Variants in KIAA0825 observed in about 807,000 individuals in gnomAD.
The protein encoded by KIAA0825 is uncharacterized protein KIAA0825.
KIAA0825 carries 119 observed loss-of-function variants against 147.6 expected under a neutral mutation model. The ratio of observed to expected loss-of-function variants is 0.81; its 90% CI spans 0.69 to 0.94. The LOEUF (loss-of-function observed/expected upper bound fraction) is 0.94, where lower values mean the gene tolerates loss of function less well. Ranked by LOEUF, KIAA0825 falls within the 40% of genes least tolerant of loss-of-function variation. The pLI is 0.00. For missense variants in KIAA0825, 1,381 were observed against 1,472.7 expected, an observed-to-expected ratio of 0.94 and a Z score of 1.02; for synonymous variants, 470 against 518.1, an observed-to-expected ratio of 0.91 and a Z score of 1.26.
chr5:94,605,869 C>T (rs1404252318), intron 1 of KIAA0825, among the ~76,000 whole-genome samples: 1 of 152,196 alleles, frequency 6.6e-6, no homozygotes, highest in South Asian at 2.1e-4. Context: ...AGGATGCCCT[C>T]TCTCGCCACT....
intron 5 of KIAA0825, among the ~76,000 whole-genome samples, chr5:94,505,158 A>C (rs1448690139): frequency 6.6e-6 from 1 of 151,888 alleles, no homozygotes. Context: ...TCAGGAGTTC[A>C]GACCAGCCTA....
At chr5:94,173,502 C>T (rs577209361) in intron 20 of KIAA0825, among the ~76,000 whole-genome samples, 1 of 152,240 alleles carries the variant, frequency 6.6e-6, no homozygotes, top group South Asian at 2.1e-4. Flanking sequence ...GCCTGGGCTT[C>T]CTCATAACAT....
At chr5:94,465,637 A>G (rs1001345706) in intron 10 of KIAA0825, among the ~76,000 whole-genome samples, 2 of 152,240 alleles carry the variant, frequency 1.3e-5, no homozygotes, top group African/African-American at 2.4e-5. Context: ...TTAAATAACA[A>G]TACTAGAAAC....
At chr5:94,157,938 A>T (rs1015957577) in intron 20 of KIAA0825, among the ~76,000 whole-genome samples, 1 of 152,200 alleles carries the variant, frequency 6.6e-6, no homozygotes, top group Non-Finnish European at 1.5e-5. Context: ...AGGAAGGAGC[A>T]GCCAACACCA....
intron 20 of KIAA0825, among the ~76,000 whole-genome samples, chr5:94,247,567 C>T (rs1411889121): frequency 6.6e-6 from 1 of 152,038 alleles, no homozygotes; most frequent in Admixed American, 6.6e-5. Context: ...GTTGTGAGTC[C>T]TTGCCCTGAG....
chr5:94,476,621 A>G (rs974588105), intron 7 of KIAA0825, among the ~76,000 whole-genome samples: 2 of 152,170 alleles, frequency 1.3e-5, no homozygotes. Flanking sequence ...TCTTCCATCA[A>G]TGCCTTTAAT....
At chr5:94,470,924 T>G (rs1761141514) in intron 9 of KIAA0825, among the ~76,000 whole-genome samples, 1 of 152,196 alleles carries the variant, frequency 6.6e-6, no homozygotes, top group South Asian at 2.1e-4. Context: ...GTGGTCATTT[T>G]TATCTCTACA....
intron 4 of KIAA0825, among the ~76,000 whole-genome samples, chr5:94,521,676 T>A (rs1191430419): frequency 6.6e-6 from 1 of 151,802 alleles, no homozygotes; most frequent in East Asian, 1.9e-4. Flanking sequence ...CAGAAAACAA[T>A]GGTGGGTATA....
At chr5:94,172,683 C>T (rs925787859) in intron 20 of KIAA0825, among the ~76,000 whole-genome samples, 3 of 151,910 alleles carry the variant, frequency 2.0e-5, no homozygotes, top group Non-Finnish European at 4.4e-5. Flanking sequence ...TTTTGTTTGA[C>T]TCATGATTTT....
At chr5:94,222,003 T>A (rs1454796905) in intron 20 of KIAA0825, among the ~76,000 whole-genome samples, 4 of 152,144 alleles carry the variant, frequency 2.6e-5, no homozygotes, top group Non-Finnish European at 5.9e-5. Flanking sequence ...CTCTATGATC[T>A]TACTTCTTCA....
intron 3 of KIAA0825, among the ~76,000 whole-genome samples, chr5:94,529,396 T>G (rs965303303): frequency 2.7e-5 from 4 of 146,680 alleles, no homozygotes; most frequent in Non-Finnish European, 4.5e-5. Flanking sequence ...GTATATATCA[T>G]ATGTATATCT....
In KIAA0825 at chr5:94,615,983, C is replaced by T. The variant is rs536825385; in HGVS notation, c.-153+2517G>A. 5.9e-5 allele frequency among the ~76,000 whole-genome samples: 9 copies of T among 152,022 alleles called. No homozygotes were observed. The South Asian group carries it at 1.9e-3, about 32-fold the overall frequency. ...GAGGATCTGGATTCAAATCCTCTTG[C>T]CTTAGCCTCCCAAAGTATTGGGGTT... On this transcript the variant is annotated intron_variant, in intron 1 of 20. Transcript: ENST00000682413.
At chr5:94,480,184 T>A (rs1347682016) in intron 6 of KIAA0825, among the ~76,000 whole-genome samples, 1 of 151,986 alleles carries the variant, frequency 6.6e-6, no homozygotes, top group Non-Finnish European at 1.5e-5. Context: ...GAGAAAAAAA[T>A]CCTAACTGTC....
At chr5:94,224,337 C>G (rs1391217839) in intron 20 of KIAA0825, among the ~76,000 whole-genome samples, 1 of 151,906 alleles carries the variant, frequency 6.6e-6, no homozygotes, top group African/African-American at 2.4e-5. Context: ...CTCAGGTGAT[C>G]AGCCCATCTC....
intron 20 of KIAA0825, among the ~76,000 whole-genome samples, chr5:94,251,997 AGAC>A (rs1775987716): frequency 6.6e-6 from 1 of 152,088 alleles, no homozygotes; most frequent in Non-Finnish European, 1.5e-5. Flanking sequence ...GTCATTAACA[AGAC>A]ATGATAAATA....
chr5:94,360,845 T>C (rs919803788), intron 20 of KIAA0825, among the ~76,000 whole-genome samples: 1 of 152,238 alleles, frequency 6.6e-6, no homozygotes. Context: ...TCCTTTACTT[T>C]ACTTTCTTAA....
chr5:94,311,773 G>A (rs1189509602), intron 20 of KIAA0825, among the ~76,000 whole-genome samples: 3 of 151,652 alleles, frequency 2.0e-5, no homozygotes, highest in African/African-American at 7.3e-5. Context: ...CTTTCACTCT[G>A]CAGATAATAC....
intron 1 of KIAA0825, among the ~76,000 whole-genome samples, chr5:94,585,303 G>A (rs922438376): frequency 5.7e-4 from 87 of 152,270 alleles, no homozygotes; most frequent in South Asian, 2.1e-4. Flanking sequence ...CCCATCTCAC[G>A]TGCAAAGACA....
chr5:94,180,909 G>T (rs1424960482), intron 20 of KIAA0825, among the ~76,000 whole-genome samples: 2 of 151,768 alleles, frequency 1.3e-5, no homozygotes, highest in African/African-American at 2.4e-5. Flanking sequence ...ACCATTATTT[G>T]GGCTCTCTGG....
Sources: allele counts gnomAD v4.1 joint callset (sites outside exome capture counted in the v4.1 genomes callset), GRCh38; gene constraint gnomAD v4.1.1; transcripts MANE v1.5; gene names NCBI Gene and HGNC (gene_info 2026-07-23, HGNC 2026-07-21).